The following ADAMTSL3 variants were observed in gnomAD, a reference collection of about 807,000 sequenced individuals.
The protein encoded by ADAMTSL3 is ADAMTS-like protein 3.
In ADAMTSL3, 128 loss-of-function variants were observed where a neutral mutation model predicts 201.7. The observed-to-expected ratio is 0.63, with a 90% CI of 0.55 to 0.73. The LOEUF (loss-of-function observed/expected upper bound fraction) is 0.73, where lower values mean the gene tolerates loss of function less well. Among genes scored for constraint, ADAMTSL3 ranks in the 30% least tolerant of loss-of-function variants. The pLI is 0.00. For missense variants in ADAMTSL3, 1,990 were observed against 2,119.6 expected (o/e 0.94, Z 1.20); for synonymous variants, 738 against 748.4 (o/e 0.99, Z 0.23).
chr15:83,707,720 G>A (rs1014633498), intron 3 of ADAMTSL3, among the ~76,000 whole-genome samples: 4 of 152,074 alleles, frequency 2.6e-5, no homozygotes, highest in Admixed American at 6.5e-5. Flanking sequence ...CCACATACTC[G>A]TTTGTGTCTG....
At chr15:83,694,308 A>G (rs553365601) in intron 2 of ADAMTSL3, 1 of 152,182 alleles carries the variant, frequency 6.6e-6, no homozygotes, top group Non-Finnish European at 1.5e-5. Flanking sequence ...TTTGGTGGGA[A>G]CGGAACGGTG....
At chr15:83,816,802 T>C (rs2063778616) in intron 5 of ADAMTSL3, among the ~76,000 whole-genome samples, 2 of 152,182 alleles carry the variant, frequency 1.3e-5, no homozygotes, top group Non-Finnish European at 2.9e-5. Flanking sequence ...GCCCAGGAGT[T>C]TGAGACCAGC....
In ADAMTSL3 at chr15:83,712,910, C is replaced by T. The variant is rs1188595493; in HGVS notation, c.189+8402C>T. ...GCCTTAGAAGTATTAAATCCTGCAG[C>T]CTCTCTCTAATCTCAGACCCTTCTC... On this transcript the variant is annotated intron_variant, in intron 3 of 29. Coordinates refer to ENST00000286744, the MANE Select transcript of ADAMTSL3 (RefSeq NM_207517.3). 3.3e-5 allele frequency among the ~76,000 whole-genome samples: 5 copies of T among 152,132 alleles called. No individual in the cohort carries two copies. In the East Asian group the frequency reaches 7.7e-4, roughly 23 times the overall value.
chr15:83,706,740 C>T (rs1371043300), intron 3 of ADAMTSL3, among the ~76,000 whole-genome samples: 2 of 152,102 alleles, frequency 1.3e-5, no homozygotes, highest in Admixed American at 6.5e-5. Context: ...TCCCCACCCA[C>T]ACTTAGGTGA....
At chr15:83,878,565 G>A (rs941925279) in intron 9 of ADAMTSL3, among the ~76,000 whole-genome samples, 4 of 151,754 alleles carry the variant, frequency 2.6e-5, no homozygotes, top group Non-Finnish European at 5.9e-5. Flanking sequence ...AGTGGGCCAA[G>A]ATTGCGCCAC....
intron 9 of ADAMTSL3, among the ~76,000 whole-genome samples, chr15:83,873,474 C>T (rs2065119040): frequency 6.9e-6 from 1 of 144,508 alleles, no homozygotes; most frequent in Non-Finnish European, 1.5e-5. Flanking sequence ...CAAGTACAGG[C>T]TGCAAGTAAT....
intron 3 of ADAMTSL3, among the ~76,000 whole-genome samples, chr15:83,755,787 T>C (rs917364603): frequency 6.6e-6 from 1 of 151,840 alleles, no homozygotes; most frequent in Non-Finnish European, 1.5e-5. Flanking sequence ...ACATTCTTAC[T>C]CTGTCGCCCA....
At chr15:83,912,349 T>A (rs1463182805) in intron 15 of ADAMTSL3, among the ~76,000 whole-genome samples, 1 of 152,232 alleles carries the variant, frequency 6.6e-6, no homozygotes, top group Admixed American at 6.5e-5. Flanking sequence ...AATTTTCACA[T>A]GTCACAAAAT....
intron 2 of ADAMTSL3, among the ~76,000 whole-genome samples, chr15:83,678,721 G>T (rs2061438012): frequency 7.2e-6 from 1 of 138,600 alleles, no homozygotes; most frequent in African/African-American, 2.6e-5. Context: ...GTTATTTTAG[G>T]CAATATATAT....
chr15:83,844,008 A>T (rs2064440525), intron 7 of ADAMTSL3, among the ~76,000 whole-genome samples: 1 of 152,160 alleles, frequency 6.6e-6, no homozygotes, highest in African/African-American at 2.4e-5. Context: ...CAACAAACAT[A>T]TCTGTTTAGA....
intron 19 of ADAMTSL3, among the ~76,000 whole-genome samples, chr15:83,951,477 C>A (rs548556549): frequency 6.6e-6 from 1 of 152,032 alleles, no homozygotes; most frequent in South Asian, 2.1e-4. Context: ...TTCTTTTTCT[C>A]TTTTTGATGT....
chr15:83,727,906 C>T (rs1168828975), intron 3 of ADAMTSL3, among the ~76,000 whole-genome samples: 1 of 151,830 alleles, frequency 6.6e-6, no homozygotes, highest in African/African-American at 2.4e-5. Flanking sequence ...AGATTAAGTC[C>T]AGTGTTTCTT....
intron 23 of ADAMTSL3, among the ~76,000 whole-genome samples, chr15:83,996,780 CAAAAAA>C (rs35758954): frequency 5.9e-5 from 2 of 33,838 alleles, no homozygotes; most frequent in African/African-American, 2.6e-4. Context: ...GACTCTGCCT[CAAAAAA>C]AAAAAAAAAA....
intron 19 of ADAMTSL3, among the ~76,000 whole-genome samples, chr15:83,948,411 T>TACACACACAC (rs72124987): frequency 0.056 from 8,197 of 145,618 alleles, 254 homozygotes; most frequent in Non-Finnish European, 0.073. Flanking sequence ...AAAGCTTATT[T>TACACACACAC]ACACACACAC....
At chr15:83,761,307 A>G (rs1020727668) in intron 3 of ADAMTSL3, among the ~76,000 whole-genome samples, 1 of 152,172 alleles carries the variant, frequency 6.6e-6, no homozygotes, top group Non-Finnish European at 1.5e-5. Flanking sequence ...TTAATTCCAT[A>G]TAAATATTTA....
intron 2 of ADAMTSL3, among the ~76,000 whole-genome samples, chr15:83,698,003 G>T (rs1358609182): frequency 6.6e-6 from 1 of 152,074 alleles, no homozygotes; most frequent in East Asian, 1.9e-4. Flanking sequence ...TTTAGGGGCT[G>T]AGTCAGATGC....
chr15:83,699,888 G>A (rs2061744305), intron 2 of ADAMTSL3, among the ~76,000 whole-genome samples: 1 of 152,082 alleles, frequency 6.6e-6, no homozygotes, highest in Admixed American at 6.5e-5. Context: ...ATCTAAAATT[G>A]AACAGTCCTC....
chr15:83,971,890 CTTTTATATATATG>C (rs1302873337), intron 20 of ADAMTSL3, among the ~76,000 whole-genome samples: 7 of 147,142 alleles, frequency 4.8e-5, no homozygotes, highest in Admixed American at 1.4e-4. Flanking sequence ...ATATATATGT[CTTTTATATATATG>C]TTTTATATAT....
chr15:83,782,436 CA>C (rs2063186679), intron 4 of ADAMTSL3, among the ~76,000 whole-genome samples: 1 of 152,146 alleles, frequency 6.6e-6, no homozygotes, highest in Non-Finnish European at 1.5e-5. Flanking sequence ...GAGATCATGT[CA>C]CTGTATTCCA....
Sources: allele counts gnomAD v4.1 joint callset (sites outside exome capture counted in the v4.1 genomes callset), GRCh38; gene constraint gnomAD v4.1.1; transcripts MANE v1.5; gene names NCBI Gene and HGNC (gene_info 2026-07-23, HGNC 2026-07-21).